The following DPF3 variants were observed in gnomAD, a reference collection of about 807,000 sequenced individuals.
DPF3 encodes double PHD fingers 3, also known as zinc finger protein DPF3.
In DPF3, 18 loss-of-function variants were observed where a neutral mutation model predicts 56.8. The ratio of observed to expected loss-of-function variants is 0.32; its 90% CI spans 0.22 to 0.47. DPF3 has a LOEUF of 0.47. Among genes scored for constraint, DPF3 ranks in the 20% least tolerant of loss-of-function variants. The pLI, the probability that DPF3 is intolerant of heterozygous loss-of-function variation, is 1.00. For synonymous variants in DPF3, 188 were observed against 180.2 expected (o/e 1.04, Z -0.35); for missense variants, 403 against 488.8 (o/e 0.82, Z 1.65).
chr14:72,772,571 G>A (rs1467149121), intron 1 of DPF3, among the ~76,000 whole-genome samples: 1 of 152,096 alleles, frequency 6.6e-6, no homozygotes, highest in Non-Finnish European at 1.5e-5. Context: ...TCAACTCATG[G>A]AGTTTAAAAA....
chr14:72,823,810 C>A (rs1413260304), intron 1 of DPF3, among the ~76,000 whole-genome samples: 1 of 152,160 alleles, frequency 6.6e-6, no homozygotes, highest in Non-Finnish European at 1.5e-5. Context: ...TCCATTCTTA[C>A]CTTCATCTAT....
intron 1 of DPF3, among the ~76,000 whole-genome samples, chr14:72,839,491 G>C (rs1218935399): frequency 1.3e-5 from 2 of 152,160 alleles, no homozygotes; most frequent in Non-Finnish European, 2.9e-5. Context: ...GCGTGGAAGT[G>C]AGATCCACGT....
At chr14:72,859,473 C>CCA in intron 1 of DPF3, among the ~76,000 whole-genome samples, 1 of 93,926 alleles carries the variant, frequency 1.1e-5, no homozygotes, top group Non-Finnish European at 2.2e-5. Context: ...GCTTCCTCCC[C>CCA]CCCCCCCCCC....
intron 6 of DPF3, among the ~76,000 whole-genome samples, chr14:72,709,503 G>A (rs1194181377): frequency 6.6e-6 from 1 of 152,174 alleles, no homozygotes. Flanking sequence ...CCTAGAAATT[G>A]CCCATCGACA....
chr14:72,875,931 G>T (rs188923745), intron 1 of DPF3, among the ~76,000 whole-genome samples: 1 of 152,322 alleles, frequency 6.6e-6, no homozygotes, highest in Admixed American at 6.5e-5. Flanking sequence ...TTTGAATCAT[G>T]AAACTAATCC....
chr14:72,701,212 CT>C (rs1888146518), intron 6 of DPF3, among the ~76,000 whole-genome samples: 1 of 152,202 alleles, frequency 6.6e-6, no homozygotes, highest in Non-Finnish European at 1.5e-5. Flanking sequence ...GCCACCACCC[CT>C]GGGACCAGTC....
Position 72,615,225 on chromosome 14 carries a change from G to A in DPF3, c.*4072C>T, listed in dbSNP as rs1884021272. 6.6e-6 allele frequency among the ~76,000 whole-genome samples: 1 copy of A among 152,092 alleles called. No individual in the cohort carries two copies. Among genetic ancestry groups the A allele is most frequent in the African/African-American group, 2.4e-5 (1 of 41,410 alleles). On this transcript the variant is annotated 3_prime_UTR_variant, in exon 11 of 11. Transcript: ENST00000556509. The stretch of plus-strand genomic sequence containing the variant: ...ATGTGGTCCTCAGGGCCCGCCCTGG[G>A]CCACGGGCGGCGCAACACCCCCTAC...
chr14:72,783,030 T>C (rs1198076338), intron 1 of DPF3, among the ~76,000 whole-genome samples: 2 of 152,090 alleles, frequency 1.3e-5, no homozygotes, highest in African/African-American at 4.8e-5. Flanking sequence ...TGCACTCCTT[T>C]CTGTTCCTCT....
chr14:72,613,573 A>G lies in DPF3; in HGVS notation c.*5724T>C, dbSNP rs1462664685. Among the ~76,000 whole-genome samples, 1 of 152,228 alleles carries G rather than the reference A, an allele frequency of 6.6e-6. No individual in the cohort carries two copies. Among genetic ancestry groups the G allele is most frequent in the Non-Finnish European group, 1.5e-5 (1 of 68,040 alleles). ...GCAGAGAAAGGGAAGGAGTGGGGAC[A>G]GAAGCTGGAACAAAGGGCCCTGGGG... On this transcript the variant is annotated 3_prime_UTR_variant, in exon 11 of 11. Transcript: ENST00000556509.
At chr14:72,629,426 T>G (rs1467388043) in intron 9 of DPF3, among the ~76,000 whole-genome samples, 198 bp downstream of exon 9, 1 of 152,196 alleles carries the variant, frequency 6.6e-6, no homozygotes, top group African/African-American at 2.4e-5. Context: ...GTGGAAACAA[T>G]CAAATACATC....
At chr14:72,715,711 C>A (rs1052546923) in intron 5 of DPF3, among the ~76,000 whole-genome samples, 4 of 152,006 alleles carry the variant, frequency 2.6e-5, no homozygotes, top group Non-Finnish European at 5.9e-5. Flanking sequence ...AGGCCTGCAA[C>A]ACACCCACTC....
At chr14:72,884,981 G>C (rs114623703) in intron 1 of DPF3, among the ~76,000 whole-genome samples, 3 of 36,762 alleles carry the variant, frequency 8.2e-5, no homozygotes, top group African/African-American at 1.5e-4. Context: ...TTAGCCGGGC[G>C]TAAGGCGGGC....
chr14:72,730,446 C>A (rs984051066), intron 4 of DPF3, among the ~76,000 whole-genome samples: 1 of 152,110 alleles, frequency 6.6e-6, no homozygotes, highest in African/African-American at 2.4e-5. Flanking sequence ...CATCTTAACA[C>A]GGGAATGGCG....
At chr14:72,816,928 C>A (rs1338446694) in intron 1 of DPF3, among the ~76,000 whole-genome samples, 2 of 152,210 alleles carry the variant, frequency 1.3e-5, no homozygotes, top group Admixed American at 1.3e-4. Flanking sequence ...AAATCAAGAA[C>A]AGGCAATTCT....
chr14:72,707,677 CGT>C (rs34662853), intron 6 of DPF3, among the ~76,000 whole-genome samples: 48 of 149,946 alleles, frequency 3.2e-4, no homozygotes, highest in Admixed American at 4.7e-4. Context: ...CTTCTGTGTG[CGT>C]GTGTGTGTGT....
chr14:72,713,989 G>A (rs906267491), intron 6 of DPF3, among the ~76,000 whole-genome samples: 1 of 152,244 alleles, frequency 6.6e-6, no homozygotes, highest in Non-Finnish European at 1.5e-5. Flanking sequence ...AAGAGGGAAA[G>A]GAAATTAAAG....
chr14:72,636,656 C>A (rs1046180382), intron 8 of DPF3, among the ~76,000 whole-genome samples: 1 of 152,196 alleles, frequency 6.6e-6, no homozygotes, highest in Non-Finnish European at 1.5e-5. Context: ...TAACTGGGCA[C>A]TGCTGCTTCA....
At chr14:72,716,223 G>A (rs1888923137) in intron 5 of DPF3, among the ~76,000 whole-genome samples, 1 of 152,120 alleles carries the variant, frequency 6.6e-6, no homozygotes, top group African/African-American at 2.4e-5. Context: ...CTGCCAGCAG[G>A]AAAGGGAGGG....
At chr14:72,748,309 T>C (rs61986268) in intron 3 of DPF3, among the ~76,000 whole-genome samples, 42,943 of 152,064 alleles carry the variant, frequency 0.28, 6,237 homozygotes, top group Middle Eastern at 0.35. Context: ...CCCTAGAGAT[T>C]TGTGGAATGT....
Sources: gnomAD v4.1 joint callset for allele counts (sites outside exome capture counted in the v4.1 genomes callset) on GRCh38, gnomAD v4.1.1 for gene constraint, MANE v1.5 for transcripts, NCBI Gene and HGNC (gene_info 2026-07-23, HGNC 2026-07-21) for gene names.